The following ROBO2 variants were observed in gnomAD, a reference collection of about 807,000 sequenced individuals.
ROBO2 encodes roundabout guidance receptor 2.
Under a neutral mutation model 160.8 loss-of-function variants are expected in ROBO2, and 53 were observed. The observed-to-expected ratio is 0.33, with a 90% confidence interval of 0.26 to 0.41. The LOEUF (loss-of-function observed/expected upper bound fraction) is 0.41, where lower values mean the gene tolerates loss of function less well. ROBO2 is among the 10% of genes least tolerant of loss of function. The pLI, the probability that ROBO2 is intolerant of heterozygous loss-of-function variation, is 1.00. For synonymous variants in ROBO2, 664 were observed against 611.7 expected (o/e 1.09, Z -1.26); for missense variants, 1,577 against 1,722.4 (o/e 0.92, Z 1.49).
chr3:76,686,078 C>G (rs1575962336), intron 2 of ROBO2, among the ~76,000 whole-genome samples: 1 of 152,034 alleles, frequency 6.6e-6, no homozygotes, highest in South Asian at 2.1e-4. Context: ...CATGCGATAG[C>G]CATCCAAGTG....
At chr3:77,191,438 T>C (rs1177787512) in intron 2 of ROBO2, among the ~76,000 whole-genome samples, 1 of 152,160 alleles carries the variant, frequency 6.6e-6, no homozygotes, top group African/African-American at 2.4e-5. Flanking sequence ...TTTAAAATTG[T>C]GGCCTAAGAC....
At chr3:76,514,199 G>A (rs1268977960) in intron 2 of ROBO2, among the ~76,000 whole-genome samples, 1 of 151,994 alleles carries the variant, frequency 6.6e-6, no homozygotes, top group Non-Finnish European at 1.5e-5. Flanking sequence ...CATTTCACAT[G>A]TTGCTCTGTT....
intron 2 of ROBO2, among the ~76,000 whole-genome samples, chr3:76,376,747 A>T (rs2076366064): frequency 1.3e-5 from 2 of 152,204 alleles, no homozygotes; most frequent in South Asian, 4.1e-4. Flanking sequence ...AGGACAAGGG[A>T]AAGGATTAAG....
intron 1 of ROBO2, among the ~76,000 whole-genome samples, chr3:75,932,004 G>A (rs1402942314): frequency 3.3e-5 from 5 of 152,150 alleles, no homozygotes; most frequent in African/African-American, 4.8e-5. Context: ...TGTAGTTTCC[G>A]AGAAACAAAG....
At chr3:77,458,971 C>T (rs933932291) in intron 2 of ROBO2, among the ~76,000 whole-genome samples, 1 of 152,120 alleles carries the variant, frequency 6.6e-6, no homozygotes, top group African/African-American at 2.4e-5. Context: ...ACCTGCCCAC[C>T]TCACAGGGTC....
intron 2 of ROBO2, among the ~76,000 whole-genome samples, chr3:77,244,345 A>T (rs1296506006): frequency 1.3e-5 from 2 of 152,200 alleles, no homozygotes; most frequent in Admixed American, 1.3e-4. Flanking sequence ...AGTAGTTGTC[A>T]GGAAAACATG....
intron 2 of ROBO2, among the ~76,000 whole-genome samples, chr3:77,189,118 G>A (rs1053962180): frequency 1.3e-5 from 2 of 151,806 alleles, no homozygotes; most frequent in African/African-American, 4.8e-5. Context: ...AGCTGAATTA[G>A]AACCCTTCTC....
intron 2 of ROBO2, among the ~76,000 whole-genome samples, chr3:77,284,589 C>T (rs1300839681): frequency 6.6e-6 from 1 of 152,086 alleles, no homozygotes. Context: ...TTCATCTTCA[C>T]TAGTCAAACA....
chr3:76,593,849 T>A (rs2108854321), intron 2 of ROBO2, among the ~76,000 whole-genome samples: 1 of 152,114 alleles, frequency 6.6e-6, no homozygotes, highest in South Asian at 2.1e-4. Flanking sequence ...TGGAAGCAGG[T>A]ATATAGTGGC....
At chr3:76,231,148 A>C (rs994079558) in intron 2 of ROBO2, among the ~76,000 whole-genome samples, 1 of 152,188 alleles carries the variant, frequency 6.6e-6, no homozygotes, top group African/African-American at 2.4e-5. Flanking sequence ...TTGTTAGGAC[A>C]ACCCTAGGAT....
chr3:76,272,933 T>TA (rs1473638166), intron 2 of ROBO2, among the ~76,000 whole-genome samples: 1 of 20,676 alleles, frequency 4.8e-5, no homozygotes, highest in Non-Finnish European at 1.7e-4. Context: ...TATATTTATA[T>TA]ATAAATATAT....
At chr3:76,532,362 C>T (rs2082276204) in intron 2 of ROBO2, among the ~76,000 whole-genome samples, 1 of 152,170 alleles carries the variant, frequency 6.6e-6, no homozygotes, top group African/African-American at 2.4e-5. Context: ...TTGACATGCA[C>T]ACTTTTGGAG....
chr3:76,602,290 TGTTCCAACCTCCGCCTGTTACCCA>T (rs2108959932), intron 2 of ROBO2, among the ~76,000 whole-genome samples: 1 of 152,280 alleles, frequency 6.6e-6, no homozygotes, highest in East Asian at 1.9e-4. Flanking sequence ...CCCTCCAAAC[TGTTCCAACCTCCGCCTGTTACCCA>T]GTTCCAAAGT....
At chr3:76,687,941 T>A (rs1341892630) in intron 2 of ROBO2, among the ~76,000 whole-genome samples, 1 of 152,080 alleles carries the variant, frequency 6.6e-6, no homozygotes, top group African/African-American at 2.4e-5. Context: ...TATGGGTTTG[T>A]ATATATTGGC....
intron 2 of ROBO2, among the ~76,000 whole-genome samples, chr3:76,534,522 G>T (rs565955405): frequency 6.6e-6 from 1 of 152,220 alleles, no homozygotes; most frequent in East Asian, 1.9e-4. Flanking sequence ...AGTTCTGATT[G>T]CAGATCCTAT....
chr3:76,059,747 T>A (rs1481325605), intron 2 of ROBO2, among the ~76,000 whole-genome samples: 1 of 152,182 alleles, frequency 6.6e-6, no homozygotes, highest in African/African-American at 2.4e-5. Flanking sequence ...CTGAATGGTA[T>A]TGCCTAGGTT....
chr3:76,913,565 T>C (rs939286018), intron 2 of ROBO2, among the ~76,000 whole-genome samples: 7 of 152,236 alleles, frequency 4.6e-5, no homozygotes. Context: ...TTTTGTATTA[T>C]AAATCGAGTT....
intron 2 of ROBO2, among the ~76,000 whole-genome samples, chr3:75,956,525 T>A (rs1948727438): frequency 6.6e-6 from 1 of 151,688 alleles, no homozygotes; most frequent in Non-Finnish European, 1.5e-5. Flanking sequence ...TTTGGAAATG[T>A]AAAAATCCAT....
chr3:76,833,785 A>AC (rs1483518578), intron 2 of ROBO2, among the ~76,000 whole-genome samples: 3 of 152,136 alleles, frequency 2.0e-5, no homozygotes, highest in African/African-American at 7.2e-5. Context: ...CCACAGGGAC[A>AC]CAGTCATTCT....
Sources: allele counts gnomAD v4.1 joint callset (sites outside exome capture counted in the v4.1 genomes callset), GRCh38; gene constraint gnomAD v4.1.1; transcripts MANE v1.5; gene names NCBI Gene and HGNC (gene_info 2026-07-23, HGNC 2026-07-21).